CCDC150: variants seen among roughly 807,000 people sequenced by gnomAD.
The protein encoded by CCDC150 is coiled-coil domain containing 150.
Under a neutral mutation model 156.5 loss-of-function variants are expected in CCDC150, and 151 were observed. The ratio of observed to expected loss-of-function variants is 0.97; its 90% CI spans 0.85 to 1.10. The LOEUF is 1.10. CCDC150 is among the 50% of genes least tolerant of loss of function. The probability of loss-of-function intolerance (pLI) is 0.00; values close to 1 mark genes in which losing one functional copy is unlikely to be tolerated. For synonymous variants in CCDC150, 452 were observed against 429.4 expected (o/e 1.05, Z -0.65); for missense variants, 1,312 against 1,268.1 (o/e 1.03, Z -0.53).
At chr2:196,657,234 G>C in intron 4 of CCDC150, 98 bp downstream of exon 4, 2 of 1,157,924 alleles carry the variant, frequency 1.7e-6, no homozygotes, top group Non-Finnish European at 2.5e-6. Flanking sequence ...AGGTGATGTT[G>C]ATATGAGGAT....
intron 15 of CCDC150, among the ~76,000 whole-genome samples, chr2:196,708,801 A>G (rs1382463317): frequency 2.0e-5 from 3 of 152,198 alleles, no homozygotes; most frequent in African/African-American, 7.2e-5. Flanking sequence ...TCTGGGTTGA[A>G]AATTCTTTTC....
At chr2:196,667,984 G>A (rs1297469558) in intron 7 of CCDC150, 1 of 152,106 alleles carries the variant, frequency 6.6e-6, no homozygotes, top group African/African-American at 2.4e-5. Context: ...AGAAAGATAA[G>A]AAAATACACA....
intron 17 of CCDC150, among the ~76,000 whole-genome samples, chr2:196,715,393 G>T (rs951628532): frequency 2.6e-5 from 4 of 152,122 alleles, no homozygotes; most frequent in Non-Finnish European, 4.4e-5. Flanking sequence ...TGTAAAAAGG[G>T]TGGGGAGATA....
rs1358957175 is a variant in CCDC150 at position 196,721,640 on chromosome 2, A to G, written c.2378A>G (p.Gln793Arg). ...NHLQTKLDHIQEQLESKELER... is the reference protein window; with the variant it reads ...NHLQTKLDHIREQLESKELER... ...CTGCAAACAAAGCTAGATCACATTC[A>G]AGAGCAATTGGAAAGCAAAGAACTT... Residue 793 changes from glutamine (Q) to arginine (R), a missense_variant, in exon 21 of 28, where the codon CAA becomes CGA. Transcript: ENST00000389175. The G allele has an allele frequency of 1.2e-5, 19 of 1,604,252 alleles. No individual in the cohort carries two copies. Among genetic ancestry groups the G allele is most frequent in the Non-Finnish European group, 1.6e-5 (19 of 1,175,748 alleles).
chr2:196,703,777 G>T (rs1696402099), intron 15 of CCDC150, among the ~76,000 whole-genome samples: 1 of 152,194 alleles, frequency 6.6e-6, no homozygotes. Context: ...TGGGTCTGAT[G>T]TTCTGTCTGA....
intron 4 of CCDC150, among the ~76,000 whole-genome samples, chr2:196,657,611 A>G (rs796694516): frequency 2.6e-4 from 39 of 152,336 alleles, no homozygotes; most frequent in African/African-American, 9.4e-4. Context: ...GGGAAGGGAT[A>G]GGACCTTTAG....
Position 196,732,137 on chromosome 2 carries a change from C to T in CCDC150, c.3174C>T (p.Asp1058=). 1.2e-6 allele frequency: 2 copies of T among 1,613,876 alleles called. No homozygotes were observed. The highest frequency in any genetic ancestry group is 1.3e-5 in the African/African-American group (1 of 75,028). The stretch of plus-strand genomic sequence containing the variant: ...GGTTGCAGAGGCCTTCTGGGGAAGA[C>T]AGGTGGCAGGAAAAGGTAAGATTAA... ...KNRLQRPSGE[D]RWQEKDQDVK... is the part of the protein sequence containing the mutation. The change falls in exon 27 of 28, where the codon GAC becomes GAT. Residue 1058 remains aspartate (D), a synonymous_variant. Transcript: ENST00000389175.
At chr2:196,695,858 T>C (rs1336768480) in intron 14 of CCDC150, among the ~76,000 whole-genome samples, 2 of 151,968 alleles carry the variant, frequency 1.3e-5, no homozygotes, top group Admixed American at 6.6e-5. Context: ...TTTGAAGATA[T>C]GGTCATTCTG....
intron 9 of CCDC150, among the ~76,000 whole-genome samples, chr2:196,673,423 T>C (rs1446664756): frequency 6.6e-6 from 1 of 152,218 alleles, no homozygotes; most frequent in Non-Finnish European, 1.5e-5. Flanking sequence ...CTTTGATGAA[T>C]AGCTTGTACA....
At chr2:196,647,392 G>T (rs754230883) in intron 2 of CCDC150, among the ~76,000 whole-genome samples, 1 of 151,664 alleles carries the variant, frequency 6.6e-6, no homozygotes, top group East Asian at 1.9e-4. Context: ...TATATATTAT[G>T]TACCTAATTA....
intron 22 of CCDC150, chr2:196,727,684 A>T (rs1559281696): frequency 6.6e-6 from 1 of 152,140 alleles, no homozygotes; most frequent in East Asian, 1.9e-4. Flanking sequence ...GGTGTGCTAA[A>T]TGTAGAAATG....
At chr2:196,709,400 T>G (rs1268036637) in intron 15 of CCDC150, among the ~76,000 whole-genome samples, 1 of 152,182 alleles carries the variant, frequency 6.6e-6, no homozygotes, top group African/African-American at 2.4e-5. Flanking sequence ...AGTTAGCCAT[T>G]CGTCTAATGT....
intron 7 of CCDC150, 103 bp from the exon 8 acceptor site, chr2:196,669,730 T>C: frequency 1.2e-6 from 1 of 802,556 alleles, no homozygotes; most frequent in Non-Finnish European, 2.1e-6. Context: ...GGGTTCTCCT[T>C]ATCTCTACAA....
At chr2:196,643,294 G>A (rs1277183846) in intron 1 of CCDC150, among the ~76,000 whole-genome samples, 23 of 152,126 alleles carry the variant, frequency 1.5e-4, no homozygotes, top group Admixed American at 1.5e-3. Flanking sequence ...GGCCAAGTTG[G>A]TTGCTCCTTT....
At chr2:196,661,843 T>G (rs1212167500) in intron 5 of CCDC150, among the ~76,000 whole-genome samples, 3 of 152,190 alleles carry the variant, frequency 2.0e-5, no homozygotes, top group Admixed American at 6.5e-5. Flanking sequence ...AAGAGGAAAA[T>G]GTCTCTTTTT....
chr2:196,720,125 TA>T (rs1697792189), intron 19 of CCDC150: 1 of 406,406 alleles, frequency 2.5e-6, no homozygotes, highest in Non-Finnish European at 5.0e-6. Flanking sequence ...GTTTTATAAG[TA>T]AATTCCTTTA....
At chr2:196,661,769 A>G (rs1258775208) in intron 5 of CCDC150, among the ~76,000 whole-genome samples, 1 of 152,212 alleles carries the variant, frequency 6.6e-6, no homozygotes, top group African/African-American at 2.4e-5. Context: ...CAAATACTTC[A>G]TTAGTAAATG....
chr2:196,641,717 G>C (rs994677036), intron 1 of CCDC150, among the ~76,000 whole-genome samples: 1 of 151,410 alleles, frequency 6.6e-6, no homozygotes, highest in Non-Finnish European at 1.5e-5. Context: ...TGTGGCTCAT[G>C]GTAAATGTTC....
intron 4 of CCDC150, among the ~76,000 whole-genome samples, chr2:196,658,177 A>G (rs1291267104): frequency 6.6e-6 from 1 of 152,166 alleles, no homozygotes; most frequent in Non-Finnish European, 1.5e-5. Context: ...TTAGGAATCC[A>G]TTGCATTATT....
Sources: gnomAD v4.1 joint callset for allele counts (sites outside exome capture counted in the v4.1 genomes callset) on GRCh38, gnomAD v4.1.1 for gene constraint, MANE v1.5 for transcripts, NCBI Gene and HGNC (gene_info 2026-07-23, HGNC 2026-07-21) for gene names.